RAPGEF6: variants seen among roughly 807,000 people sequenced by gnomAD.
RAPGEF6 encodes Rap guanine nucleotide exchange factor 6, also known as PDZ domain containing guanine nucleotide exchange factor (GEF) 2.
In RAPGEF6, 56 loss-of-function variants were observed where a neutral mutation model predicts 171.4. The observed-to-expected ratio is 0.33, with a 90% CI of 0.26 to 0.41. The LOEUF (loss-of-function observed/expected upper bound fraction) is 0.41, where lower values mean the gene tolerates loss of function less well. Among genes scored for constraint, RAPGEF6 ranks in the 10% least tolerant of loss-of-function variants. RAPGEF6 has a pLI of 1.00. For synonymous variants in RAPGEF6, 692 were observed against 650.1 expected (o/e 1.06, Z -0.98); for missense variants, 1,674 against 1,921.4 (o/e 0.87, Z 2.41).
intron 4 of RAPGEF6, among the ~76,000 whole-genome samples, chr5:131,563,982 T>C (rs1028335745): frequency 2.0e-5 from 3 of 151,900 alleles, no homozygotes; most frequent in African/African-American, 7.3e-5. Flanking sequence ...ACAAAATATA[T>C]AAAACAACAA....
At chr5:131,571,967 G>C (rs751053922) in intron 4 of RAPGEF6, among the ~76,000 whole-genome samples, 28 of 152,110 alleles carry the variant, frequency 1.8e-4, no homozygotes, top group Non-Finnish European at 3.1e-4. Context: ...AATGTACTTT[G>C]TAATATCCAT....
intron 16 of RAPGEF6, among the ~76,000 whole-genome samples, chr5:131,477,869 T>C (rs781391673): frequency 1.3e-5 from 2 of 152,166 alleles, no homozygotes; most frequent in Admixed American, 6.5e-5. Context: ...TCCTCATGCA[T>C]TCTTTTCTGC....
chr5:131,426,704 T>TCGGTG lies in RAPGEF6; in HGVS notation c.*561_*562insCACCG. 7.0e-6 allele frequency: 1 copy of TCGGTG among 141,998 alleles called. No individual in the cohort carries two copies. Among genetic ancestry groups the TCGGTG allele is most frequent in the Non-Finnish European group, 1.6e-5 (1 of 64,306 alleles). 8.8% of individuals were successfully genotyped at this position (141,998 alleles called of 1,614,324 possible). A position where few individuals can be genotyped will look rare whatever the true frequency, so the allele number is the denominator to read the frequency against. ...GTCACATCTCTGTGTAGATCAAGCATATCACCTCTGTAAAGATGACTTCTG... is the reference window on the plus strand; with the variant it reads ...GTCACATCTCTGTGTAGATCAAGCATCGGTGATCACCTCTGTAAAGATGACTTCTG... On this transcript the variant is annotated 3_prime_UTR_variant, in exon 28 of 28. Coordinates refer to ENST00000509018, the MANE Select transcript of RAPGEF6 (RefSeq NM_016340.6).
intron 11 of RAPGEF6, among the ~76,000 whole-genome samples, chr5:131,502,215 T>C (rs780663647): frequency 2.6e-5 from 4 of 152,202 alleles, no homozygotes; most frequent in Admixed American, 1.3e-4. Context: ...ATTCCTTCAA[T>C]ACAATGAGTT....
chr5:131,582,003 G>A (rs773678578), intron 4 of RAPGEF6, among the ~76,000 whole-genome samples: 6 of 151,892 alleles, frequency 4.0e-5, no homozygotes, highest in Admixed American at 2.6e-4. Flanking sequence ...ATCCCCTGCC[G>A]GCAAAAAATT....
rs140513115 is a variant in RAPGEF6, at chr5:131,628,054, C to T, written c.69+6908G>A. Among the ~76,000 whole-genome samples, 561 of 152,268 alleles carry T rather than the reference C, an allele frequency of 3.7e-3. 4 individuals are homozygous for T. Among genetic ancestry groups the T allele is most frequent in the African/African-American group, 0.013 (531 of 41,560 alleles). ...GGCCTCCCTATTCCCTGAGACATAA[C>T]AATACGGAAATTAGGCCAATTAATA... On this transcript the variant is annotated intron_variant, in intron 1 of 27. Transcript: ENST00000509018.
At position 131,561,969 on chromosome 5, in the gene RAPGEF6, A is replaced by C; in HGVS notation, c.351+9T>G. Reference sequence around the variant, plus strand: ...TCAAAAACAATTCAGCATTCTTTAAAGTTCTTACCACAATCATTTCTGAAG... The same window carrying C: ...TCAAAAACAATTCAGCATTCTTTAACGTTCTTACCACAATCATTTCTGAAG... On this transcript the variant is annotated intron_variant, in intron 5 of 27. Coordinates refer to ENST00000509018, the MANE Select transcript of RAPGEF6 (RefSeq NM_016340.6). The C allele has an allele frequency of 6.3e-7, 1 of 1,579,236 alleles. No homozygotes were observed. The highest frequency in any genetic ancestry group is 8.7e-7 in the Non-Finnish European group (1 of 1,155,042).
In RAPGEF6 at chr5:131,599,625, G is replaced by A. The variant is rs959069465; in HGVS notation, c.197+3646C>T. ...GCTGGATCAACTGGATGTCCATAGG[G>A]ATACCTAATGAATCTTGCCAATAAT... On this transcript the variant is annotated intron_variant, in intron 3 of 27. Transcript: ENST00000509018. Among the ~76,000 whole-genome samples, 88 of 152,258 alleles carry A rather than the reference G, an allele frequency of 5.8e-4. 1 individual carries two copies. Among genetic ancestry groups the A allele is most frequent in the Admixed American group, 5.8e-3 (88 of 15,292 alleles).
intron 4 of RAPGEF6, among the ~76,000 whole-genome samples, chr5:131,577,856 C>T (rs1008104247): frequency 1.6e-4 from 24 of 152,178 alleles, no homozygotes; most frequent in African/African-American, 5.8e-4. Flanking sequence ...CCTTATGAGC[C>T]TAATACATCC....
Position 131,430,401 on chromosome 5 carries a change from T to C in RAPGEF6, c.4465+458A>G, listed in dbSNP as rs78969289. ...ACTCATGATGTACACCAAGAGAGTA[T>C]ACTGAAAAATGTTCTGGACTTCCTG... is the stretch of plus-strand genomic sequence containing the variant. On this transcript the variant is annotated intron_variant, in intron 26 of 27. Coordinates refer to ENST00000509018, the MANE Select transcript of RAPGEF6 (RefSeq NM_016340.6). Among the ~76,000 whole-genome samples the C allele has an allele frequency of 8.5e-3, 1,292 of 152,232 alleles. 10 individuals carry two copies. Among genetic ancestry groups the C allele is most frequent in the Non-Finnish European group, 0.012 (798 of 68,020 alleles).
chr5:131,495,463 GA>G lies in RAPGEF6; in HGVS notation c.1527+89del, dbSNP rs1756579527. The G allele has an allele frequency of 4.3e-6, 4 of 931,148 alleles. No homozygotes were observed. In the Admixed American group the frequency reaches 9.7e-5, roughly 23 times the overall value. 57.7% of individuals were successfully genotyped at this position (931,148 alleles called of 1,614,324 possible). On this transcript the variant is annotated intron_variant, in intron 13 of 27. Coordinates refer to ENST00000509018, the MANE Select transcript of RAPGEF6 (RefSeq NM_016340.6). ...CTAAGAATGGACATTTAAGACACAG[GA>G]AAGAATGAAAGCTATTGCTGTTCTG...
chr5:131,483,306 G>A (rs535084864), intron 15 of RAPGEF6, among the ~76,000 whole-genome samples: 170 of 142,490 alleles, frequency 1.2e-3, no homozygotes, highest in African/African-American at 4.3e-3. Context: ...CCGAGATCGA[G>A]CCACTGCACT....
chr5:131,533,213 C>CA (rs1554079721), intron 6 of RAPGEF6, among the ~76,000 whole-genome samples: 10 of 148,530 alleles, frequency 6.7e-5, no homozygotes, highest in Non-Finnish European at 1.3e-4. Flanking sequence ...CACACACACA[C>CA]CCCATCCTCC....
intron 1 of RAPGEF6, among the ~76,000 whole-genome samples, chr5:131,612,849 G>C (rs1168811689): frequency 2.0e-5 from 3 of 152,108 alleles, no homozygotes; most frequent in Non-Finnish European, 4.4e-5. Context: ...ACAATGCCAT[G>C]AATATATGAG....
chr5:131,489,499 C>T (rs1756139190), intron 15 of RAPGEF6, 47 bp downstream of exon 15: 1 of 1,133,606 alleles, frequency 8.8e-7, no homozygotes, highest in Middle Eastern at 1.9e-4. Context: ...TTTTCTATTA[C>T]CAAATTAAGA....
In RAPGEF6 at chr5:131,442,434, G is replaced by A. The variant is rs143950498; in HGVS notation, c.3525C>T (p.Pro1175=). ...GQTTKAHLHQ[P]HRVSQVLQVP... The stretch of plus-strand genomic sequence containing the variant: ...CCTGAAGCACCTGGCTTACTCTGTG[G>A]GGTTGATGCAAGTGGGCTTTAGTTG... Residue 1175 remains proline (P), a synonymous_variant, in exon 23 of 28, where the codon CCC becomes CCT. Transcript: ENST00000509018. 1,243 of 1,614,164 alleles carry A rather than the reference G, an allele frequency of 7.7e-4. 11 individuals carry two copies. In the African/African-American group the frequency reaches 0.014, roughly 19 times the overall value.
rs73262163 is a variant in RAPGEF6 at position 131,551,844 on chromosome 5, A to C, written c.352-3654T>G. Among the ~76,000 whole-genome samples, 571 of 152,306 alleles carry C rather than the reference A, an allele frequency of 3.7e-3. 3 individuals are homozygous for C. The highest frequency in any genetic ancestry group is 0.012 in the African/African-American group (518 of 41,578). On this transcript the variant is annotated intron_variant, in intron 5 of 27. Coordinates refer to ENST00000509018, the MANE Select transcript of RAPGEF6 (RefSeq NM_016340.6). ...TGATTTTTATTCCAGGAATATAAAG[A>C]GTTAAATGCCCTTAACAAAGTTCCC...
chr5:131,477,755 G>A (rs1021796477), intron 16 of RAPGEF6, among the ~76,000 whole-genome samples: 7 of 152,074 alleles, frequency 4.6e-5, no homozygotes, highest in Non-Finnish European at 8.8e-5. Flanking sequence ...CAACTGTGTC[G>A]CTGGTCAAAA....
chr5:131,575,660 C>T (rs1221143783), intron 4 of RAPGEF6, among the ~76,000 whole-genome samples: 1 of 152,144 alleles, frequency 6.6e-6, no homozygotes, highest in Non-Finnish European at 1.5e-5. Flanking sequence ...CCCCACAGAC[C>T]CTAAGTCCTT....
Sources: gnomAD v4.1 joint callset for allele counts (sites outside exome capture counted in the v4.1 genomes callset) on GRCh38, gnomAD v4.1.1 for gene constraint, MANE v1.5 for transcripts, NCBI Gene and HGNC (gene_info 2026-07-23, HGNC 2026-07-21) for gene names.